ZNF160: variants seen among roughly 807,000 people sequenced by gnomAD.
The protein encoded by ZNF160 is zinc finger protein 160, also known as KRAB zinc finger protein KR18.
In ZNF160, 9 loss-of-function variants were observed where a neutral mutation model predicts 13.1. That is an observed-to-expected ratio of 0.69 (90% CI 0.41 to 1.20). ZNF160 has a LOEUF of 1.20. Among genes scored for constraint, ZNF160 ranks in the 50% most tolerant of loss-of-function variants. ZNF160 has a pLI of 0.01. For synonymous variants in ZNF160, 293 were observed against 333.2 expected (o/e 0.88, Z 1.31); for missense variants, 838 against 988.0 (o/e 0.85, Z 2.04).
In ZNF160 at chr19:53,074,147, C is replaced by T. The variant is rs1439241890; in HGVS notation, c.264G>A (p.Val88=). The change falls in exon 5 of 6, where the codon GTG becomes GTA. Residue 88 remains valine (V), a synonymous_variant. Transcript: ENST00000683776. ...GCCCATCTGAGCTCTTACCTGTGAC[C>T]ACGCCTTTGACACATTCCGGCGTTC... The part of the protein sequence containing the change: ...KPRTPECVKG[V]VTDIPPKCTI... The T allele has an allele frequency of 1.9e-6, 3 of 1,613,930 alleles. No homozygotes were observed. Among genetic ancestry groups the T allele is most frequent in the East Asian group, 4.5e-5 (2 of 44,866 alleles).
At chr19:53,098,108 C>T (rs2085303884) in intron 1 of ZNF160, among the ~76,000 whole-genome samples, 1 of 152,194 alleles carries the variant, frequency 6.6e-6, no homozygotes, top group Non-Finnish European at 1.5e-5. Flanking sequence ...GCTGAGACAT[C>T]AGGGCATTAC....
intron 1 of ZNF160, among the ~76,000 whole-genome samples, chr19:53,101,143 G>T (rs2085433483): frequency 6.6e-6 from 1 of 152,170 alleles, no homozygotes; most frequent in South Asian, 2.1e-4. Context: ...AGCCAGGCGT[G>T]GTGGCACACA....
chr19:53,095,327 C>A (rs2085191586), intron 1 of ZNF160: 1 of 151,372 alleles, frequency 6.6e-6, no homozygotes, highest in South Asian at 2.1e-4. Flanking sequence ...CTGGCGACAG[C>A]TCCCTCCCAG....
At chr19:53,074,087 C>T in intron 5 of ZNF160, 53 bp downstream of exon 5, 2 of 1,580,268 alleles carry the variant, frequency 1.3e-6, no homozygotes, top group South Asian at 2.2e-5. Context: ...ACTGTGCCCC[C>T]TCCCACACTC....
rs188190370 is a variant in ZNF160 at position 53,101,446 on chromosome 19, A to G, written c.-354+1819T>C. Among the ~76,000 whole-genome samples the G allele has an allele frequency of 2.5e-3, 374 of 150,810 alleles. 4 individuals carry two copies. The highest frequency in any genetic ancestry group is 8.3e-3 in the African/African-American group (343 of 41,246). On this transcript the variant is annotated intron_variant, in intron 1 of 5. Transcript: ENST00000683776. ...AAAATATATATATTATTTAATATGT[A>G]TATGATATATTAACTATATATGGAA...
At chr19:53,073,905 C>T (rs1053895140) in intron 5 of ZNF160, among the ~76,000 whole-genome samples, 4 of 152,102 alleles carry the variant, frequency 2.6e-5, no homozygotes, top group Admixed American at 6.6e-5. Flanking sequence ...CTTGCCTCAG[C>T]CTCCTGAGTA....
intron 3 of ZNF160, among the ~76,000 whole-genome samples, chr19:53,079,654 T>C (rs981603910): frequency 6.8e-4 from 58 of 85,648 alleles, no homozygotes; most frequent in African/African-American, 2.9e-3. Flanking sequence ...GGAAACACAA[T>C]AGCAGCAAAA....
Position 53,068,086 on chromosome 19 carries a change from A to G in ZNF160, c.2448T>C (p.Pro816=). 1 of 1,602,856 alleles carries G rather than the reference A, an allele frequency of 6.2e-7. No individual in the cohort carries two copies. The highest frequency in any genetic ancestry group is 8.5e-7 in the Non-Finnish European group (1 of 1,173,864). ...AATGACCTCACCACACTCATTTGTA[A>G]GGTTTCTCTCCGGTATGCATTCTGT... ...SHHRMHTGEK[P]YK is the part of the protein sequence containing the mutation. Residue 816 remains proline, a synonymous_variant, in exon 6 of 6, where the codon CCT becomes CCC. Coordinates refer to ENST00000683776, the MANE Select transcript of ZNF160 (RefSeq NM_001322131.2).
intron 2 of ZNF160, among the ~76,000 whole-genome samples, chr19:53,087,423 G>A (rs2115088): frequency 0.4 from 60,755 of 152,080 alleles, 12,354 homozygotes; most frequent in South Asian, 0.51. Flanking sequence ...ATAGTATCTT[G>A]CATATTTTAA....
chr19:53,102,976 G>A (rs1251936425), intron 1 of ZNF160, among the ~76,000 whole-genome samples: 1 of 152,158 alleles, frequency 6.6e-6, no homozygotes, highest in Non-Finnish European at 1.5e-5. Flanking sequence ...AGGACCAGGC[G>A]GAGGCGCGGC....
intron 5 of ZNF160, among the ~76,000 whole-genome samples, chr19:53,073,762 C>A (rs2145545410): frequency 6.6e-6 from 1 of 152,084 alleles, no homozygotes; most frequent in East Asian, 1.9e-4. Flanking sequence ...AGAACTCTCT[C>A]ATCTGCAGAG....
At chr19:53,075,601 GC>G (rs1305880444) in intron 3 of ZNF160, 5 of 367,500 alleles carry the variant, frequency 1.4e-5, no homozygotes, top group Non-Finnish European at 2.7e-5. Context: ...CCATAATGGG[GC>G]CTCCATGAAA....
chr19:53,077,668 CAAAAAA>C, intron 3 of ZNF160, among the ~76,000 whole-genome samples: 1 of 51,158 alleles, frequency 2.0e-5, no homozygotes, highest in South Asian at 6.2e-4. Context: ...GACTCCATCT[CAAAAAA>C]AAAAAAAAAA....
In ZNF160 at chr19:53,068,787, G is replaced by A; in HGVS notation, c.1747C>T (p.His583Tyr). 1 of 1,612,828 alleles carries A rather than the reference G, an allele frequency of 6.2e-7. No individual in the cohort carries two copies. The highest frequency in any genetic ancestry group is 1.7e-5 in the Admixed American group (1 of 60,002). The part of the protein sequence containing the change: ...VFAQTSQLAR[H>Y]WRVHTGEKPY... Reference sequence around the variant, plus strand: ...TTTTCTCCAGTATGAACTCTCCAATGCCTTGCAAGTTGTGATGTTTGAGCG... The same window carrying A: ...TTTTCTCCAGTATGAACTCTCCAATACCTTGCAAGTTGTGATGTTTGAGCG... Residue 583 changes from histidine (H) to tyrosine (Y), a missense_variant, in exon 6 of 6, where the codon CAT (histidine) becomes TAT (tyrosine). Transcript: ENST00000683776.
chr19:53,072,879 T>TA (rs1350866855), intron 5 of ZNF160: 1 of 770,140 alleles, frequency 1.3e-6, no homozygotes, highest in Non-Finnish European at 1.6e-6. Flanking sequence ...CGTGGAATAA[T>TA]AAACAGTTTT....
At position 53,075,179 on chromosome 19, in the gene ZNF160, C is replaced by T. The variant is rs329709; in HGVS notation, c.20G>A (p.Arg7Gln). Residue 7 changes from arginine (R) to glutamine (Q), a missense_variant, in exon 4 of 6, where the codon CGG becomes CAG. Physicochemically the swap from Arg to Gln is conservative, Grantham distance 43 (BLOSUM62 1). Transcript: ENST00000683776. ...TATGGCCACATCCCTAAATGTCAAC[C>T]GTACCTAAAATGAAAAACACATTTC... MALTQV[R>Q]LTFRDVAIEF... The T allele has an allele frequency of 8.7e-5, 141 of 1,613,822 alleles. No individual in the cohort carries two copies. The highest frequency in any genetic ancestry group is 8.5e-4 in the African/African-American group (64 of 75,006).
intron 2 of ZNF160, among the ~76,000 whole-genome samples, chr19:53,089,163 C>A (rs1296315018): frequency 1.3e-5 from 2 of 152,196 alleles, no homozygotes; most frequent in African/African-American, 4.8e-5. Context: ...CAGGTCCCAA[C>A]CTGCAACTTG....
intron 5 of ZNF160, chr19:53,073,220 A>G: frequency 1.4e-6 from 2 of 1,440,210 alleles, no homozygotes; most frequent in South Asian, 3.0e-5. Context: ...GACAACATGC[A>G]GTACTTGTAT....
rs753616613 is a variant in ZNF160 at position 53,069,971 on chromosome 19, T to A, written c.563A>T (p.His188Leu). ...NNQLGVSFHS[H>L]LPELQLFQGE... ...TTGAAATAGCTGCAGTTCAGGCAGA[T>A]GAGAATGAAAGCTTACTCCAAGCTG... is the stretch of plus-strand genomic sequence containing the variant. The change falls in exon 6 of 6, where the codon CAT (histidine) becomes CTT (leucine). Residue 188 changes from histidine to leucine, a missense_variant. His to Leu is a moderately conservative substitution (Grantham distance 99, BLOSUM62 -3). Coordinates refer to ENST00000683776, the MANE Select transcript of ZNF160 (RefSeq NM_001322131.2). This position sits in a 1 kb window ranked among gnomAD's most constrained non-coding sequence, Gnocchi z 4.4. 3 of 1,614,188 alleles carry A rather than the reference T, an allele frequency of 1.9e-6. No homozygotes were observed. The highest frequency in any genetic ancestry group is 2.2e-5 in the South Asian group (2 of 91,086).
Sources: gnomAD v4.1 joint callset for allele counts (sites outside exome capture counted in the v4.1 genomes callset) on GRCh38, gnomAD v4.1.1 for gene constraint, Gnocchi (gnomAD v3.1) non-coding constraint, MANE v1.5 for transcripts, NCBI Gene and HGNC (gene_info 2026-07-23, HGNC 2026-07-21) for gene names.